The following KPNB1 variants were observed in gnomAD, a reference collection of about 807,000 sequenced individuals.
KPNB1 encodes karyopherin subunit beta 1.
KPNB1 carries 7 observed loss-of-function variants against 113.0 expected under a neutral mutation model. That is an observed-to-expected ratio of 0.06 (90% CI 0.04 to 0.12). The LOEUF is 0.12. KPNB1 is among the 10% of genes least tolerant of loss of function. The probability of loss-of-function intolerance (pLI) is 1.00; values close to 1 mark genes in which losing one functional copy is unlikely to be tolerated. For missense variants in KPNB1, 400 were observed against 1,054.8 expected, an observed-to-expected ratio of 0.38 and a Z score of 8.60; for synonymous variants, 363 against 378.6, an observed-to-expected ratio of 0.96 and a Z score of 0.48.
At position 47,649,984 on chromosome 17, in the gene KPNB1, A is replaced by C. The variant is rs374694042; in HGVS notation, c.-261A>C. 4.8e-4 allele frequency: 631 copies of C among 1,307,236 alleles called. 2 individuals are homozygous for C. The African/African-American group carries it at 9.0e-3, about 19-fold the overall frequency. 81.0% of individuals were successfully genotyped at this position (1,307,236 alleles called of 1,614,324 possible). A position where few individuals can be genotyped will look rare whatever the true frequency, so the allele number is the denominator to read the frequency against. On this transcript the variant is annotated 5_prime_UTR_variant, in exon 1 of 22. Transcript: ENST00000290158. ...TTCTTTCTCCCTCCGCCTCCCGAGCACCAGCGCGCTCTGAGCTGCCCCCAG... is the reference window on the plus strand; with the variant it reads ...TTCTTTCTCCCTCCGCCTCCCGAGCCCCAGCGCGCTCTGAGCTGCCCCCAG...
chr17:47,669,812 A>G lies in KPNB1; in HGVS notation c.1359A>G (p.Leu453=), dbSNP rs956545377. ...AINDVYLAPL[L]QCLIEGLSAE... Reference sequence around the variant, plus strand: ...ATGATGTCTACTTGGCTCCCCTGCTACAGTGTCTGATTGAGGGTCTCAGTG... The same window carrying G: ...ATGATGTCTACTTGGCTCCCCTGCTGCAGTGTCTGATTGAGGGTCTCAGTG... Residue 453 remains leucine (L), a synonymous_variant, in exon 11 of 22, where the codon CTA becomes CTG. Coordinates refer to ENST00000290158, the MANE Select transcript of KPNB1 (RefSeq NM_002265.6). 15 of 1,613,982 alleles carry G rather than the reference A, an allele frequency of 9.3e-6. No individual in the cohort carries two copies. The highest frequency in any genetic ancestry group is 1.3e-5 in the African/African-American group (1 of 74,886).
chr17:47,662,982 T>C (rs971659576), intron 6 of KPNB1, 107 bp from the exon 7 acceptor site: 25 of 750,662 alleles, frequency 3.3e-5, no homozygotes, highest in Non-Finnish European at 5.2e-5. Context: ...ACGTATCCCA[T>C]ATTTACCTCA....
chr17:47,653,585 G>T (rs1915639363), intron 3 of KPNB1, among the ~76,000 whole-genome samples: 1 of 152,142 alleles, frequency 6.6e-6, no homozygotes, highest in Non-Finnish European at 1.5e-5. Context: ...TGTCTTACAT[G>T]GGTAAGGCAC....
At chr17:47,654,582 G>A (rs528598251) in intron 3 of KPNB1, among the ~76,000 whole-genome samples, 2 of 152,100 alleles carry the variant, frequency 1.3e-5, no homozygotes, top group Admixed American at 6.5e-5. Flanking sequence ...GGATATTGGG[G>A]CACAATTGGG....
At chr17:47,651,248 G>T (rs1249882685) in intron 2 of KPNB1, 1 of 985,162 alleles carries the variant, frequency 1.0e-6, no homozygotes, top group Non-Finnish European at 1.2e-6. Flanking sequence ...CTGGTCCTTT[G>T]TATAAAAATG....
intron 9 of KPNB1, among the ~76,000 whole-genome samples, chr17:47,666,860 G>A (rs1055695368): frequency 1.4e-4 from 22 of 151,748 alleles, no homozygotes; most frequent in African/African-American, 4.6e-4. Flanking sequence ...CTCATGATCC[G>A]CCCACCTCAG....
intron 2 of KPNB1, among the ~76,000 whole-genome samples, chr17:47,651,696 T>G (rs1915576484): frequency 6.6e-6 from 1 of 152,260 alleles, no homozygotes; most frequent in Non-Finnish European, 1.5e-5. Context: ...AATAAAACTT[T>G]TAAGAATTAT....
intron 17 of KPNB1, among the ~76,000 whole-genome samples, 185 bp downstream of exon 17, chr17:47,677,312 TA>T (rs1301850730): frequency 1.3e-5 from 2 of 151,394 alleles, no homozygotes; most frequent in African/African-American, 2.4e-5. Flanking sequence ...GTACTGTAGA[TA>T]CAAAAAAAAT....
chr17:47,650,165 C>A lies in KPNB1; in HGVS notation c.-80C>A. ...CCCTCCCTTCCCACCCGACCCCCAA[C>A]CCCCATCCCCAGTTCGAGCCGCCGC... On this transcript the variant is annotated 5_prime_UTR_variant, in exon 1 of 22. Transcript: ENST00000290158. 1.4e-6 allele frequency: 2 copies of A among 1,396,264 alleles called. No homozygotes were observed. The highest frequency in any genetic ancestry group is 1.9e-6 in the Non-Finnish European group (2 of 1,080,360). The allele number at this position is 1,396,264 out of a possible 1,614,324, so 86.5% of individuals were successfully genotyped here.
chr17:47,651,145 T>A, intron 2 of KPNB1: 3 of 891,458 alleles, frequency 3.4e-6, no homozygotes, highest in Non-Finnish European at 4.0e-6. Flanking sequence ...AGATGGGGCC[T>A]GTTTGCTGAT....
chr17:47,679,873 A>G (rs2030720722), intron 19 of KPNB1, 147 bp from the exon 20 acceptor site: 2 of 559,394 alleles, frequency 3.6e-6, no homozygotes, highest in Non-Finnish European at 6.5e-6. Flanking sequence ...ATTTTTTTGT[A>G]TTTTTAGTAG....
Position 47,665,163 on chromosome 17 carries a change from G to GT in KPNB1, c.999+7dup. On this transcript the variant is annotated splice_donor_region_variant and intron_variant, in intron 9 of 21. Transcript: ENST00000290158. ...ACACAGACACTAACTAAACAGGTGA[G>GT]TTACCTTCCAAATATAGGTAGGTAA... is the stretch of plus-strand genomic sequence containing the variant. The GT allele has an allele frequency of 1.9e-6, 3 of 1,604,526 alleles. No individual in the cohort carries two copies. The South Asian group carries it at 3.3e-5, about 18-fold the overall frequency.
intron 3 of KPNB1, among the ~76,000 whole-genome samples, chr17:47,656,229 A>G (rs2029899809): frequency 6.6e-6 from 1 of 151,222 alleles, no homozygotes; most frequent in East Asian, 1.9e-4. Flanking sequence ...ATCATGCTCC[A>G]GCCTGGGGGA....
intron 17 of KPNB1, among the ~76,000 whole-genome samples, chr17:47,677,734 C>A (rs1356894960): frequency 6.6e-6 from 1 of 152,104 alleles, no homozygotes; most frequent in African/African-American, 2.4e-5. Flanking sequence ...ATCATCAAAC[C>A]ATCATGAGCA....
intron 17 of KPNB1, among the ~76,000 whole-genome samples, chr17:47,677,472 C>CAAAA (rs746941632): frequency 3.8e-5 from 2 of 53,258 alleles, no homozygotes; most frequent in African/African-American, 6.8e-5. Context: ...AACTCCGTCT[C>CAAAA]AAAAAAAAAA....
At chr17:47,680,177 C>A in intron 20 of KPNB1, 43 bp downstream of exon 20, 1 of 1,324,404 alleles carries the variant, frequency 7.6e-7, no homozygotes, top group Non-Finnish European at 1.1e-6. Context: ...GAACTTCTCA[C>A]AGAAAATGAG....
chr17:47,667,597 A>G (rs1471902854), intron 9 of KPNB1, among the ~76,000 whole-genome samples: 1 of 150,658 alleles, frequency 6.6e-6, no homozygotes, highest in Non-Finnish European at 1.5e-5. Context: ...TCACTCTGTT[A>G]CACAGGCTGG....
At position 47,677,005 on chromosome 17, in the gene KPNB1, C is replaced by T. The variant is rs774988670; in HGVS notation, c.1996-15C>T. 8 of 1,605,540 alleles carry T rather than the reference C, an allele frequency of 5.0e-6. No individual in the cohort carries two copies. The African/African-American group carries it at 8.0e-5, about 16-fold the overall frequency. On this transcript the variant is annotated splice_polypyrimidine_tract_variant and intron_variant, in intron 16 of 21. Transcript: ENST00000290158. ...GCCTTTTCTGTTAGAAGATTATTTC[C>T]TTGATTCTTGGCAGGTTTGTTTGGC...
chr17:47,670,482 T>C (rs561053344), intron 11 of KPNB1: 113 of 401,018 alleles, frequency 2.8e-4, no homozygotes, highest in Admixed American at 1.1e-3. Context: ...ACTCTGCTGC[T>C]TAGAGAGTTG....
Sources: gnomAD v4.1 joint callset for allele counts (sites outside exome capture counted in the v4.1 genomes callset) on GRCh38, gnomAD v4.1.1 for gene constraint, MANE v1.5 for transcripts, NCBI Gene and HGNC (gene_info 2026-07-23, HGNC 2026-07-21) for gene names.